Variants in FGF13 observed in about 807,000 individuals in gnomAD.
FGF13 encodes the protein fibroblast growth factor 13.
FGF13 carries 2 observed loss-of-function variants against 19.5 expected under a neutral mutation model. That is an observed-to-expected ratio of 0.10 (90% CI 0.04 to 0.32). The LOEUF is 0.32. Among genes scored for constraint, FGF13 ranks in the 10% least tolerant of loss-of-function variants. The probability of loss-of-function intolerance (pLI) is 1.00; values close to 1 mark genes in which losing one functional copy is unlikely to be tolerated. For missense variants in FGF13, 113 were observed against 192.7 expected, an observed-to-expected ratio of 0.59 and a Z score of 2.45; for synonymous variants, 72 against 76.9, an observed-to-expected ratio of 0.94 and a Z score of 0.33.
intron 3 of FGF13, 64 bp from the exon 4 acceptor site, chrX:138,635,719 G>T: frequency 2.2e-6 from 2 of 897,492 alleles, no homozygotes; most frequent in Non-Finnish European, 3.2e-6. Context: ...GTAGAATCAT[G>T]TGGTATTGCC....
rs1025127543 is a variant in FGF13 at position 138,907,831 on chromosome X, A to T, written c.-112-43181T>A. Among the ~76,000 whole-genome samples the T allele has an allele frequency of 5.4e-5, 6 of 111,716 alleles. No homozygotes were observed. The East Asian group carries it at 1.7e-3, about 31-fold the overall frequency. On this transcript the variant is annotated intron_variant, in intron 1 of 2. Transcript: ENST00000421460. ...AGAATTTAAAACCTAACTCTTGGTT[A>T]CTAAATATCAAATAAGAATGCTGAT...
intron 1 of FGF13, among the ~76,000 whole-genome samples, chrX:139,143,533 A>C (rs1365471375): frequency 8.9e-6 from 1 of 112,363 alleles, no homozygotes; most frequent in African/African-American, 3.2e-5. Context: ...CGGAGGTTTA[A>C]CAAAGTTCAA....
chrX:138,878,064 C>G (rs1159955630), intron 1 of FGF13, among the ~76,000 whole-genome samples: 1 of 111,725 alleles, frequency 9.0e-6, no homozygotes, highest in East Asian at 2.8e-4. Flanking sequence ...ATAAGGGTTC[C>G]AGTTTCTCCA....
intron 3 of FGF13, among the ~76,000 whole-genome samples, chrX:138,746,309 T>G (rs952002606): frequency 1.6e-4 from 18 of 109,869 alleles, no homozygotes; most frequent in African/African-American, 5.0e-4. Flanking sequence ...TATAGGGAGC[T>G]CTCTTAAGAG....
intron 1 of FGF13, among the ~76,000 whole-genome samples, chrX:138,986,458 C>A (rs1371098726): frequency 8.9e-6 from 1 of 112,284 alleles, no homozygotes; most frequent in African/African-American, 3.2e-5. Context: ...TGAATTTCTT[C>A]CACTACACTA....
chrX:138,924,561 A>T (rs1043696168), intron 1 of FGF13, among the ~76,000 whole-genome samples: 4 of 112,024 alleles, frequency 3.6e-5, no homozygotes, highest in Non-Finnish European at 7.5e-5. Flanking sequence ...GGTGACAACC[A>T]CTATTTAATA....
chrX:138,767,409 T>C (rs1383434422), intron 3 of FGF13, among the ~76,000 whole-genome samples: 1 of 111,898 alleles, frequency 8.9e-6, no homozygotes, highest in Admixed American at 9.5e-5. Flanking sequence ...AAAATTCAAA[T>C]TCTTACCCAG....
At chrX:138,839,540 G>T (rs1161360453) in intron 3 of FGF13, among the ~76,000 whole-genome samples, 2 of 111,461 alleles carry the variant, frequency 1.8e-5, no homozygotes, top group African/African-American at 6.5e-5. Flanking sequence ...CACAGAAAAA[G>T]GAAAGTGAAA....
At chrX:139,039,457 G>A (rs771344650) in intron 1 of FGF13, among the ~76,000 whole-genome samples, 1 of 112,084 alleles carries the variant, frequency 8.9e-6, no homozygotes, top group East Asian at 2.8e-4. Context: ...AAAAATAAAA[G>A]AGAAATTCGT....
chrX:138,917,961 A>G (rs1189639975), intron 1 of FGF13, among the ~76,000 whole-genome samples: 1 of 111,475 alleles, frequency 9.0e-6, no homozygotes, highest in East Asian at 2.8e-4. Flanking sequence ...GTTATGATGA[A>G]TCTGAAAGGA....
intron 1 of FGF13, among the ~76,000 whole-genome samples, chrX:138,965,260 C>G (rs1228480150): frequency 2.7e-5 from 3 of 112,285 alleles, no homozygotes; most frequent in Non-Finnish European, 5.6e-5. Context: ...TTAGGGGCCC[C>G]TGCTCTGGGC....
chrX:138,639,403 G>A (rs1258062887), intron 3 of FGF13, among the ~76,000 whole-genome samples: 1 of 111,552 alleles, frequency 9.0e-6, no homozygotes, highest in Non-Finnish European at 1.9e-5. Flanking sequence ...CTGGATAAAT[G>A]TCTGCTATTG....
intron 1 of FGF13, among the ~76,000 whole-genome samples, chrX:138,892,943 G>A (rs1232953387): frequency 1.9e-5 from 2 of 104,282 alleles, no homozygotes; most frequent in African/African-American, 7.0e-5. Context: ...ATAGATACAA[G>A]TGGGGAGGAA....
At chrX:138,961,692 G>A (rs1343847347) in intron 1 of FGF13, among the ~76,000 whole-genome samples, 3 of 111,461 alleles carry the variant, frequency 2.7e-5, no homozygotes, top group Non-Finnish European at 5.6e-5. Context: ...AATACCACAC[G>A]TCTACAAACA....
intron 1 of FGF13, among the ~76,000 whole-genome samples, chrX:139,178,353 A>C (rs2148268774): frequency 8.9e-6 from 1 of 112,394 alleles, no homozygotes; most frequent in Admixed American, 9.4e-5. Context: ...GAAGATAGAA[A>C]ATGGAAAGAA....
chrX:139,173,166 T>C (rs2084147687), intron 1 of FGF13, among the ~76,000 whole-genome samples: 1 of 111,716 alleles, frequency 9.0e-6, no homozygotes, highest in Non-Finnish European at 1.9e-5. Context: ...CAGAAATATC[T>C]GTTTTGAAAG....
chrX:138,706,849 T>A (rs1038310445), intron 2 of FGF13, among the ~76,000 whole-genome samples: 1 of 112,196 alleles, frequency 8.9e-6, no homozygotes, highest in Admixed American at 9.4e-5. Flanking sequence ...ACTCTTAACA[T>A]CAGGAGCAGA....
intron 1 of FGF13, among the ~76,000 whole-genome samples, chrX:138,879,382 T>G (rs898188169): frequency 9.8e-5 from 11 of 111,924 alleles, no homozygotes; most frequent in African/African-American, 2.9e-4. Flanking sequence ...ATAATCCAAT[T>G]TTACTTCCGT....
At chrX:138,902,593 A>AT (rs1338650691) in intron 1 of FGF13, among the ~76,000 whole-genome samples, 1 of 111,130 alleles carries the variant, frequency 9.0e-6, no homozygotes, top group African/African-American at 3.3e-5. Flanking sequence ...TTACTTCCTC[A>AT]TTTTTTTTCT....
Sources: gnomAD v4.1 joint callset for allele counts (sites outside exome capture counted in the v4.1 genomes callset) on GRCh38, gnomAD v4.1.1 for gene constraint, MANE v1.5 for transcripts, NCBI Gene and HGNC (gene_info 2026-07-23, HGNC 2026-07-21) for gene names.